The following PPP4R1 variants were observed in gnomAD, a reference collection of about 807,000 sequenced individuals.
The protein encoded by PPP4R1 is serine/threonine-protein phosphatase 4 regulatory subunit 1.
PPP4R1 carries 42 observed loss-of-function variants against 111.2 expected under a neutral mutation model. That is an observed-to-expected ratio of 0.38 (90% confidence interval 0.29 to 0.49). The LOEUF (loss-of-function observed/expected upper bound fraction) is 0.49. PPP4R1 is among the 20% of genes least tolerant of loss of function. PPP4R1 has a pLI of 0.97. For synonymous variants in PPP4R1, 409 were observed against 405.5 expected, an observed-to-expected ratio of 1.01 and a Z score of -0.10; for missense variants, 1,012 against 1,161.6, an observed-to-expected ratio of 0.87 and a Z score of 1.87.
In PPP4R1 at chr18:9,570,302, A is replaced by C. The variant is rs369717143; in HGVS notation, c.1428T>G (p.Ser476=). 162 of 1,612,328 alleles carry C rather than the reference A, an allele frequency of 1.0e-4. No individual in the cohort carries two copies. Among genetic ancestry groups the C allele is most frequent in the Non-Finnish European group, 1.3e-4 (149 of 1,179,374 alleles). ...IDLDIELEQN[S]GGKPSPEGPE... ...GTCCCTCTGGGCTGGGTTTTCCCCC[A>C]GAGTTCTGTTCAAGCTCTATGTCTA... The change falls in exon 11 of 20, where the codon TCT becomes TCG. Residue 476 remains serine, a synonymous_variant. Coordinates refer to ENST00000400556, the MANE Select transcript of PPP4R1 (RefSeq NM_001042388.3).
chr18:9,592,656 TACACACACAC>T (rs983453786), intron 4 of PPP4R1, among the ~76,000 whole-genome samples: 1 of 141,458 alleles, frequency 7.1e-6, no homozygotes, highest in Non-Finnish European at 1.5e-5. Context: ...TATTTTAAAA[TACACACACAC>T]ACACTTACAA....
intron 4 of PPP4R1, chr18:9,589,990 C>CA (rs751290289): frequency 6.6e-6 from 1 of 152,066 alleles, no homozygotes; most frequent in Non-Finnish European, 1.5e-5. Context: ...TCATGTATAA[C>CA]AGAGTATTAG....
At chr18:9,568,271 T>C (rs573086450) in intron 11 of PPP4R1, among the ~76,000 whole-genome samples, 2 of 152,312 alleles carry the variant, frequency 1.3e-5, no homozygotes, top group East Asian at 3.9e-4. Flanking sequence ...GCTATCCTTC[T>C]GCCTCAGCCT....
chr18:9,599,999 T>C (rs1336654596), intron 2 of PPP4R1, among the ~76,000 whole-genome samples: 1 of 152,150 alleles, frequency 6.6e-6, no homozygotes, highest in Non-Finnish European at 1.5e-5. Context: ...CATTTATTTT[T>C]AAATGAATAA....
intron 2 of PPP4R1, among the ~76,000 whole-genome samples, chr18:9,596,918 A>C (rs1334243044): frequency 6.6e-6 from 1 of 152,196 alleles, no homozygotes; most frequent in Admixed American, 6.5e-5. Context: ...ACTTTTGACA[A>C]AGGATGGATT....
intron 10 of PPP4R1, 134 bp downstream of exon 10, chr18:9,576,930 C>G: frequency 1.1e-6 from 1 of 922,502 alleles, no homozygotes; most frequent in Non-Finnish European, 1.6e-6. Flanking sequence ...AAAATATTCA[C>G]CAATTTTTAT....
intron 19 of PPP4R1, 94 bp from the exon 20 acceptor site, chr18:9,548,046 T>C (rs1401231194): frequency 2.3e-6 from 3 of 1,286,876 alleles, no homozygotes; most frequent in Non-Finnish European, 3.2e-6. Flanking sequence ...AAACTGGGTA[T>C]TTCTACAAGT....
intron 16 of PPP4R1, 22 bp from the exon 17 acceptor site, chr18:9,550,420 A>C: frequency 6.4e-7 from 1 of 1,566,564 alleles, no homozygotes; most frequent in Non-Finnish European, 8.7e-7. Context: ...AATTACAAAA[A>C]GACAATGTTT....
chr18:9,598,918 T>G (rs1329919034), intron 2 of PPP4R1, among the ~76,000 whole-genome samples: 2 of 151,778 alleles, frequency 1.3e-5, no homozygotes, highest in African/African-American at 2.4e-5. Flanking sequence ...CCCAGCTACT[T>G]AAGGGGCTGA....
Position 9,570,703 on chromosome 18 carries a change from T to TG in PPP4R1, c.1047-21dup. The TG allele has an allele frequency of 1.3e-6, 2 of 1,502,542 alleles. No individual in the cohort carries two copies. Among genetic ancestry groups the TG allele is most frequent in the Non-Finnish European group, 1.8e-6 (2 of 1,131,052 alleles). The allele number at this position is 1,502,542 out of a possible 1,614,324, so 93.1% of individuals were successfully genotyped here. On this transcript the variant is annotated intron_variant, in intron 10 of 19. Transcript: ENST00000400556. ...CTGGTCCTTTTATTGTTTTATTTGG[T>TG]GGGAAAAAAACAATATGAAAGGATA...
intron 4 of PPP4R1, among the ~76,000 whole-genome samples, chr18:9,591,065 A>C (rs1366534617): frequency 6.6e-6 from 1 of 152,076 alleles, no homozygotes; most frequent in Non-Finnish European, 1.5e-5. Flanking sequence ...AAAAAAGAAG[A>C]AGCCAGGCAT....
At chr18:9,590,356 C>T (rs754069427) in intron 4 of PPP4R1, among the ~76,000 whole-genome samples, 1 of 152,050 alleles carries the variant, frequency 6.6e-6, no homozygotes, top group Non-Finnish European at 1.5e-5. Flanking sequence ...CAGATATGAA[C>T]AAAATAGAGT....
chr18:9,592,048 C>T (rs374737728), intron 4 of PPP4R1, among the ~76,000 whole-genome samples: 102 of 152,276 alleles, frequency 6.7e-4, no homozygotes, highest in Non-Finnish European at 1.1e-3. Context: ...CTAGCTTGGG[C>T]AACAGAGCGA....
chr18:9,603,816 G>T (rs1263563099), intron 2 of PPP4R1, among the ~76,000 whole-genome samples: 1 of 151,980 alleles, frequency 6.6e-6, no homozygotes, highest in Admixed American at 6.6e-5. Flanking sequence ...CCTATTTTTG[G>T]TGCAAAGAAA....
At chr18:9,584,446 G>T in intron 8 of PPP4R1, 69 bp downstream of exon 8, 1 of 1,330,580 alleles carries the variant, frequency 7.5e-7, no homozygotes, top group South Asian at 1.6e-5. Flanking sequence ...GAGTAAATGT[G>T]TGCATTTCAA....
At chr18:9,557,456 G>A in intron 14 of PPP4R1, 74 bp from the exon 15 acceptor site, 9 of 1,300,504 alleles carry the variant, frequency 6.9e-6, no homozygotes, top group African/African-American at 3.1e-5. Context: ...AATATACAAA[G>A]GCTAATTTAT....
At position 9,614,260 on chromosome 18, in the gene PPP4R1, C is replaced by T. The variant is rs1190299691; in HGVS notation, c.18G>A (p.Leu6=). The T allele has an allele frequency of 6.7e-6, 9 of 1,350,524 alleles. No individual in the cohort carries two copies. In the East Asian group the frequency reaches 1.4e-4, roughly 21 times the overall value. The allele number at this position is 1,350,524 out of a possible 1,614,324, so 83.7% of individuals were successfully genotyped here. A position where few individuals can be genotyped will look rare whatever the true frequency, so the allele number is the denominator to read the frequency against. The change falls in exon 2 of 20, where the codon CTG becomes CTA. Residue 6 remains leucine, a synonymous_variant. Coordinates refer to ENST00000400556, the MANE Select transcript of PPP4R1 (RefSeq NM_001042388.3). This position sits in a 1 kb window ranked among gnomAD's most constrained non-coding sequence, Gnocchi z 4.1. MADLS[L]LQEDLQEDAD... ...CGTCCTCCTGCAGGTCCTCCTGAAG[C>T]AGCGAGAGGTCTGCGCCGAGGGGAG...
chr18:9,617,118 A>C (rs1407377655), upstream of PPP4R1: 1 of 152,130 alleles, frequency 6.6e-6, no homozygotes, highest in Admixed American at 6.5e-5. Flanking sequence ...TATTCTACAT[A>C]CCTTTAACCC....
chr18:9,548,027 TA>T, intron 19 of PPP4R1, 75 bp from the exon 20 acceptor site: 1 of 1,412,896 alleles, frequency 7.1e-7, no homozygotes, highest in East Asian at 2.4e-5. Context: ...AGTACGAGTG[TA>T]AACAGTTAAA....
Sources: allele counts gnomAD v4.1 joint callset (sites outside exome capture counted in the v4.1 genomes callset), GRCh38; gene constraint gnomAD v4.1.1; non-coding constraint Gnocchi (gnomAD v3.1); transcripts MANE v1.5; gene names NCBI Gene and HGNC (gene_info 2026-07-23, HGNC 2026-07-21).